The following PLCB4 variants were observed in gnomAD, a reference collection of about 807,000 sequenced individuals.
The protein encoded by PLCB4 is 1-phosphatidylinositol 4,5-bisphosphate phosphodiesterase beta-4.
In PLCB4, 77 loss-of-function variants were observed where a neutral mutation model predicts 178.8. The ratio of observed to expected loss-of-function variants is 0.43; its 90% CI spans 0.36 to 0.52. The LOEUF is 0.52. PLCB4 is among the 20% of genes least tolerant of loss of function. PLCB4 has a pLI of 0.00. For synonymous variants in PLCB4, 496 were observed against 490.8 expected, an observed-to-expected ratio of 1.01 and a Z score of -0.14; for missense variants, 1,024 against 1,453.4, an observed-to-expected ratio of 0.70 and a Z score of 4.80.
At chr20:9,347,773 C>T (rs1234822382) in intron 7 of PLCB4, among the ~76,000 whole-genome samples, 2 of 152,178 alleles carry the variant, frequency 1.3e-5, no homozygotes, top group Admixed American at 6.5e-5. Flanking sequence ...GTCAAGAGAT[C>T]GAGACCATCC....
chr20:9,258,396 G>A (rs1018152635), intron 3 of PLCB4, among the ~76,000 whole-genome samples: 1 of 152,070 alleles, frequency 6.6e-6, no homozygotes. Context: ...GTCCAGAAAT[G>A]GGAGTGGGGT....
chr20:9,342,062 C>T (rs1388320180), intron 7 of PLCB4, among the ~76,000 whole-genome samples: 1 of 152,044 alleles, frequency 6.6e-6, no homozygotes. Context: ...TACATTTTTC[C>T]ACCAAATATA....
At chr20:9,279,974 T>C (rs560462015) in intron 3 of PLCB4, among the ~76,000 whole-genome samples, 22 of 152,186 alleles carry the variant, frequency 1.4e-4, no homozygotes, top group Non-Finnish European at 2.4e-4. Context: ...CCCACCCTAT[T>C]GCTGGAGTTT....
intron 4 of PLCB4, among the ~76,000 whole-genome samples, chr20:9,333,829 T>A (rs898707371): frequency 3.9e-5 from 6 of 152,014 alleles, no homozygotes; most frequent in Admixed American, 3.9e-4. Flanking sequence ...GAGGGAAAAT[T>A]AAGGATGACT....
At chr20:9,437,247 T>G in intron 30 of PLCB4, 95 bp downstream of exon 30, 1 of 1,154,472 alleles carries the variant, frequency 8.7e-7, no homozygotes, top group Non-Finnish European at 1.2e-6. Context: ...AAATTCGAAG[T>G]TCTTTGTGGG....
intron 2 of PLCB4, among the ~76,000 whole-genome samples, chr20:9,168,320 A>G (rs1404051180): frequency 6.6e-6 from 1 of 152,174 alleles, no homozygotes; most frequent in African/African-American, 2.4e-5. Context: ...CTTCCAGGAG[A>G]CAAGGTGTGC....
At chr20:9,102,576 G>C (rs2091198019) in intron 2 of PLCB4, among the ~76,000 whole-genome samples, 1 of 152,180 alleles carries the variant, frequency 6.6e-6, no homozygotes, top group South Asian at 2.1e-4. Context: ...CTGTATACCT[G>C]TAAGGTTATT....
At chr20:9,413,332 G>T (rs1400975762) in intron 25 of PLCB4, among the ~76,000 whole-genome samples, 18 of 152,020 alleles carry the variant, frequency 1.2e-4, no homozygotes, top group Admixed American at 1.2e-3. Context: ...AATCCTGACG[G>T]CTCGGCCCAG....
chr20:9,205,183 A>G (rs1397334263), intron 2 of PLCB4, among the ~76,000 whole-genome samples: 1 of 152,190 alleles, frequency 6.6e-6, no homozygotes, highest in African/African-American at 2.4e-5. Flanking sequence ...GCTCCAAGTC[A>G]GCTGTGTGAC....
intron 7 of PLCB4, among the ~76,000 whole-genome samples, chr20:9,348,632 C>T (rs991430683): frequency 3.3e-5 from 5 of 151,800 alleles, no homozygotes; most frequent in Admixed American, 6.6e-5. Context: ...AAAAGGTCTA[C>T]GTTTGTTTGT....
At chr20:9,238,850 A>G (rs1216878734) in intron 3 of PLCB4, among the ~76,000 whole-genome samples, 1 of 152,218 alleles carries the variant, frequency 6.6e-6, no homozygotes, top group African/African-American at 2.4e-5. Context: ...TTTTTTAATA[A>G]GAGTAATGTA....
chr20:9,432,740 G>T (rs569504598), intron 28 of PLCB4, among the ~76,000 whole-genome samples: 1 of 152,184 alleles, frequency 6.6e-6, no homozygotes, highest in African/African-American at 2.4e-5. Flanking sequence ...TCCTGATGAC[G>T]ATGAGAAAGC....
chr20:9,441,191 G>T (rs2042080690), intron 30 of PLCB4, among the ~76,000 whole-genome samples: 1 of 152,174 alleles, frequency 6.6e-6, no homozygotes, highest in Non-Finnish European at 1.5e-5. Context: ...GACCTAAAAG[G>T]ACACATGTGG....
At chr20:9,360,351 T>C (rs2035214822) in intron 7 of PLCB4, among the ~76,000 whole-genome samples, 1 of 152,220 alleles carries the variant, frequency 6.6e-6, no homozygotes, top group Non-Finnish European at 1.5e-5. Flanking sequence ...GCGTTGTATG[T>C]TCAAAAGATG....
chr20:9,435,783 A>C (rs971690692), intron 29 of PLCB4, 135 bp downstream of exon 29: 7 of 551,790 alleles, frequency 1.3e-5, no homozygotes, highest in African/African-American at 9.6e-5. Context: ...TCAATTCAAC[A>C]ATAGTTAACT....
chr20:9,309,596 T>C (rs1485370239), intron 4 of PLCB4, among the ~76,000 whole-genome samples: 1 of 152,214 alleles, frequency 6.6e-6, no homozygotes, highest in Non-Finnish European at 1.5e-5. Flanking sequence ...AAATTCTTTG[T>C]GGATGTCTAG....
intron 3 of PLCB4, among the ~76,000 whole-genome samples, chr20:9,272,410 G>A (rs927802635): frequency 6.6e-6 from 1 of 151,980 alleles, no homozygotes; most frequent in Non-Finnish European, 1.5e-5. Context: ...CTGGCAATCA[G>A]AAGTCTAAAA....
At chr20:9,389,772 GC>G in intron 15 of PLCB4, 106 bp from the exon 16 acceptor site, 2 of 633,280 alleles carry the variant, frequency 3.2e-6, no homozygotes, top group Non-Finnish European at 5.6e-6. Context: ...GGTCTGAATT[GC>G]TGGAATTGAC....
chr20:9,448,992 T>C (rs1319476385), intron 32 of PLCB4, among the ~76,000 whole-genome samples: 2 of 152,150 alleles, frequency 1.3e-5, no homozygotes, highest in Non-Finnish European at 2.9e-5. Flanking sequence ...GATATAAAAA[T>C]GCTCATTAAA....
Sources: gnomAD v4.1 joint callset for allele counts (sites outside exome capture counted in the v4.1 genomes callset) on GRCh38, gnomAD v4.1.1 for gene constraint, MANE v1.5 for transcripts, NCBI Gene and HGNC (gene_info 2026-07-23, HGNC 2026-07-21) for gene names.